Variants in DDAH1 observed in about 807,000 individuals in gnomAD.
DDAH1 encodes the protein N(G),N(G)-dimethylarginine dimethylaminohydrolase 1.
A neutral mutation model predicts 28.8 loss-of-function variants in DDAH1; 19 were observed. The ratio of observed to expected loss-of-function variants is 0.66; its 90% CI spans 0.46 to 0.97. The LOEUF (loss-of-function observed/expected upper bound fraction) is 0.97. Ranked by LOEUF, DDAH1 falls within the 50% of genes least tolerant of loss-of-function variation. The pLI, the probability that DDAH1 is intolerant of heterozygous loss-of-function variation, is 0.00. For missense variants in DDAH1, 326 were observed against 375.9 expected, an observed-to-expected ratio of 0.87 and a Z score of 1.10; for synonymous variants, 153 against 154.4, an observed-to-expected ratio of 0.99 and a Z score of 0.07.
At chr1:85,471,222 C>T (rs1655607017) in intron 2 of DDAH1, among the ~76,000 whole-genome samples, 1 of 152,164 alleles carries the variant, frequency 6.6e-6, no homozygotes, top group African/African-American at 2.4e-5. Context: ...CTGCTGGCGG[C>T]CCCTATTCTA....
rs907521145 is a variant in DDAH1 at position 85,373,191 on chromosome 1, T to C, written c.304-14344A>G. Among the ~76,000 whole-genome samples the C allele has an allele frequency of 3.9e-5, 6 of 152,328 alleles. No individual in the cohort carries two copies. The South Asian group carries it at 6.2e-4, about 16-fold the overall frequency. ...CGTTATATAGTTAGCTAGATTTTTC[T>C]TGTTGCTTCACTTCCTCCTGGATAG... On this transcript the variant is annotated intron_variant, in intron 1 of 5. Transcript: ENST00000284031.
At position 85,534,031 on chromosome 1, in the gene DDAH1, T is replaced by C. The variant is rs192185125; in HGVS notation, c.-122-37750A>G. Among the ~76,000 whole-genome samples, 96 of 152,312 alleles carry C rather than the reference T, an allele frequency of 6.3e-4. 1 individual carries two copies. The highest frequency in any genetic ancestry group is 1.6e-4 in the Non-Finnish European group (11 of 68,036). ...ACACCTTGTAGGTGCTTAGTAAATA[T>C]TGAATGAGTGAATGAATCAGTCAAT... On this transcript the variant is annotated intron_variant, in intron 1 of 6. Transcript: ENST00000426972.
intron 4 of DDAH1, among the ~76,000 whole-genome samples, chr1:85,346,425 G>A (rs772516459): frequency 1.3e-5 from 2 of 152,112 alleles, no homozygotes; most frequent in Non-Finnish European, 2.9e-5. Flanking sequence ...GGAAAGACAC[G>A]GAAGGAGCAG....
Position 85,342,147 on chromosome 1 carries a change from C to A in DDAH1, c.597+8268G>T, listed in dbSNP as rs1648530648. On this transcript the variant is annotated intron_variant, in intron 4 of 5. Coordinates refer to ENST00000284031, the MANE Select transcript of DDAH1 (RefSeq NM_012137.4). ...GGAGATAGGGGTCACATAGGGAGAG[C>A]TGGAGGCAGAGCAAGAATGACAATC... Among the ~76,000 whole-genome samples, 4 of 152,096 alleles carry A rather than the reference C, an allele frequency of 2.6e-5. No homozygotes were observed. In the South Asian group the frequency reaches 8.3e-4, roughly 31 times the overall value.
At chr1:85,553,988 C>T (rs2100797491) in intron 1 of DDAH1, among the ~76,000 whole-genome samples, 1 of 152,300 alleles carries the variant, frequency 6.6e-6, no homozygotes, top group South Asian at 2.1e-4. Flanking sequence ...GACATCTTGG[C>T]TTGAAGATTA....
At chr1:85,343,507 G>A (rs1277256650) in intron 4 of DDAH1, among the ~76,000 whole-genome samples, 1 of 152,134 alleles carries the variant, frequency 6.6e-6, no homozygotes, top group African/African-American at 2.4e-5. Flanking sequence ...TCATTGTTTT[G>A]TGGAGCTGGT....
chr1:85,361,494 G>A (rs1431129681), intron 1 of DDAH1, among the ~76,000 whole-genome samples: 2 of 152,124 alleles, frequency 1.3e-5, no homozygotes, highest in Admixed American at 1.3e-4. Context: ...TAATTCCAAC[G>A]GCTGAGCTGA....
chr1:85,365,761 G>A (rs968917310), intron 1 of DDAH1, among the ~76,000 whole-genome samples: 2 of 152,104 alleles, frequency 1.3e-5, no homozygotes, highest in Non-Finnish European at 1.5e-5. Context: ...TACATGTCCT[G>A]TATAAATCTC....
chr1:85,501,750 A>G (rs545555441), intron 1 of DDAH1, among the ~76,000 whole-genome samples: 66 of 152,196 alleles, frequency 4.3e-4, no homozygotes, highest in Non-Finnish European at 4.1e-4. Flanking sequence ...GTGAATTTCA[A>G]CGTCTGAAAA....
intron 1 of DDAH1, among the ~76,000 whole-genome samples, chr1:85,555,361 T>C (rs1312570410): frequency 6.6e-6 from 1 of 152,234 alleles, no homozygotes; most frequent in Admixed American, 6.5e-5. Context: ...TAGTTCACTA[T>C]TGAGTAAATT....
chr1:85,405,118 A>C (rs1652345470), intron 1 of DDAH1, among the ~76,000 whole-genome samples: 1 of 152,140 alleles, frequency 6.6e-6, no homozygotes, highest in Admixed American at 6.5e-5. Flanking sequence ...CAGAGTAATC[A>C]GTTTTATGTA....
At chr1:85,532,279 C>T (rs2795979) in intron 1 of DDAH1, among the ~76,000 whole-genome samples, 9,954 of 140,996 alleles carry the variant, frequency 0.071, 488 homozygotes, top group African/African-American at 0.12. Flanking sequence ...TTTGTAAAGG[C>T]TAATGTAAAT....
chr1:85,455,553 T>C (rs1346722577), intron 1 of DDAH1, among the ~76,000 whole-genome samples: 1 of 152,106 alleles, frequency 6.6e-6, no homozygotes, highest in African/African-American at 2.4e-5. Context: ...CACACATATA[T>C]GGAAGGTTTG....
chr1:85,338,600 C>T (rs1648276101), intron 4 of DDAH1, among the ~76,000 whole-genome samples: 1 of 152,174 alleles, frequency 6.6e-6, no homozygotes, highest in South Asian at 2.1e-4. Context: ...GGATTACCTG[C>T]ATCAGAATCA....
At chr1:85,500,663 T>C (rs1202060164) in intron 1 of DDAH1, among the ~76,000 whole-genome samples, 1 of 152,158 alleles carries the variant, frequency 6.6e-6, no homozygotes, top group Non-Finnish European at 1.5e-5. Context: ...TCTGCCCCAA[T>C]TTCTCTTTCA....
intron 1 of DDAH1, among the ~76,000 whole-genome samples, chr1:85,397,899 T>C (rs1289815798): frequency 6.6e-6 from 1 of 152,098 alleles, no homozygotes; most frequent in African/African-American, 2.4e-5. Flanking sequence ...CTACCATAAG[T>C]AAAAGCTTTC....
chr1:85,435,802 A>G (rs1653905835), intron 1 of DDAH1, among the ~76,000 whole-genome samples: 1 of 151,932 alleles, frequency 6.6e-6, no homozygotes, highest in Non-Finnish European at 1.5e-5. Flanking sequence ...TATTTTTTTG[A>G]GACAGTCTCT....
intron 1 of DDAH1, among the ~76,000 whole-genome samples, chr1:85,565,794 A>T (rs1440454652): frequency 6.6e-6 from 1 of 152,186 alleles, no homozygotes; most frequent in Non-Finnish European, 1.5e-5. Flanking sequence ...TAAGGCCAAA[A>T]TATTGGCTGG....
chr1:85,549,895 A>G (rs755129993), intron 1 of DDAH1, among the ~76,000 whole-genome samples: 12 of 152,174 alleles, frequency 7.9e-5, no homozygotes, highest in Non-Finnish European at 1.6e-4. Context: ...TATATCATTA[A>G]CACTTCGACT....
Sources: gnomAD v4.1 joint callset for allele counts (sites outside exome capture counted in the v4.1 genomes callset) on GRCh38, gnomAD v4.1.1 for gene constraint, MANE v1.5 for transcripts, NCBI Gene and HGNC (gene_info 2026-07-23, HGNC 2026-07-21) for gene names.